KSR1: variants seen among roughly 807,000 people sequenced by gnomAD.
KSR1 encodes kinase suppressor of ras 1, also known as kinase suppressor of ras.
Under a neutral mutation model 92.9 loss-of-function variants are expected in KSR1, and 35 were observed. The ratio of observed to expected loss-of-function variants is 0.38; its 90% CI spans 0.29 to 0.50. The LOEUF (loss-of-function observed/expected upper bound fraction) is 0.50, where lower values mean the gene tolerates loss of function less well. Among genes scored for constraint, KSR1 ranks in the 20% least tolerant of loss-of-function variants. The pLI is 0.94. For missense variants in KSR1, 972 were observed against 1,158.5 expected (o/e 0.84, Z 2.34); for synonymous variants, 467 against 472.6 (o/e 0.99, Z 0.15).
chr17:27,570,189 T>A (rs2072251373), intron 2 of KSR1, among the ~76,000 whole-genome samples: 1 of 152,214 alleles, frequency 6.6e-6, no homozygotes, highest in African/African-American at 2.4e-5. Flanking sequence ...GAAAGTCATA[T>A]GTGACCTGTG....
At chr17:27,519,004 G>C (rs2069913188) in intron 1 of KSR1, among the ~76,000 whole-genome samples, 1 of 152,202 alleles carries the variant, frequency 6.6e-6, no homozygotes, top group South Asian at 2.1e-4. Flanking sequence ...ACATTGCCTA[G>C]AAGAGTGGCA....
chr17:27,477,275 G>A (rs1740064998), intron 1 of KSR1, among the ~76,000 whole-genome samples: 1 of 152,154 alleles, frequency 6.6e-6, no homozygotes, highest in Admixed American at 6.5e-5. Flanking sequence ...GACTTAAAGT[G>A]CCTAACCATC....
intron 1 of KSR1, among the ~76,000 whole-genome samples, chr17:27,498,976 C>T (rs1231590164): frequency 1.3e-5 from 2 of 152,008 alleles, no homozygotes; most frequent in Non-Finnish European, 2.9e-5. Flanking sequence ...TTGAGGACTT[C>T]TATGAAAAAA....
chr17:27,506,067 C>G (rs2069368591), intron 1 of KSR1, among the ~76,000 whole-genome samples: 1 of 152,198 alleles, frequency 6.6e-6, no homozygotes, highest in African/African-American at 2.4e-5. Flanking sequence ...TGGTTCAGGG[C>G]CCCCACCTAA....
intron 1 of KSR1, among the ~76,000 whole-genome samples, chr17:27,537,274 G>C (rs944886455): frequency 1.3e-5 from 2 of 152,148 alleles, no homozygotes; most frequent in African/African-American, 4.8e-5. Flanking sequence ...CTGTATTCCA[G>C]GTCTTATATA....
At chr17:27,481,989 T>G (rs1304281085) in intron 1 of KSR1, among the ~76,000 whole-genome samples, 2 of 152,220 alleles carry the variant, frequency 1.3e-5, no homozygotes, top group African/African-American at 4.8e-5. Context: ...CCTTAATTTC[T>G]GTCATCCATC....
At chr17:27,562,749 A>T (rs2071884422) in intron 2 of KSR1, among the ~76,000 whole-genome samples, 1 of 152,280 alleles carries the variant, frequency 6.6e-6, no homozygotes, top group Non-Finnish European at 1.5e-5. Flanking sequence ...TTTTAAAAAA[A>T]TAGCACATAA....
intron 1 of KSR1, among the ~76,000 whole-genome samples, chr17:27,546,086 G>A (rs1406946098): frequency 2.0e-5 from 3 of 152,200 alleles, no homozygotes; most frequent in African/African-American, 4.8e-5. Context: ...TTATAGTCCT[G>A]TCTCTGGTCA....
At chr17:27,534,845 T>C (rs1455183368) in intron 1 of KSR1, among the ~76,000 whole-genome samples, 4 of 152,256 alleles carry the variant, frequency 2.6e-5, no homozygotes, top group Admixed American at 6.5e-5. Flanking sequence ...TGCTGCAATA[T>C]TATTCCTGGG....
intron 2 of KSR1, among the ~76,000 whole-genome samples, chr17:27,567,596 A>G (rs1218912242): frequency 2.0e-5 from 3 of 152,220 alleles, no homozygotes; most frequent in Non-Finnish European, 4.4e-5. Context: ...TGGGCCCACA[A>G]GGCACTCATG....
intron 1 of KSR1, among the ~76,000 whole-genome samples, chr17:27,528,632 C>G (rs113345492): frequency 9.0e-4 from 137 of 152,244 alleles, no homozygotes; most frequent in Non-Finnish European, 1.6e-3. Flanking sequence ...GGCATAGTGG[C>G]TCACGTCTGT....
At chr17:27,588,670 G>T in intron 6 of KSR1, 135 bp downstream of exon 6, 1 of 726,970 alleles carries the variant, frequency 1.4e-6, no homozygotes, top group Non-Finnish European at 2.1e-6. Context: ...GTGGGACATG[G>T]CCCTGCACTT....
At chr17:27,623,220 A>G (rs780467861) in intron 20 of KSR1, 94 bp from the exon 21 acceptor site, 116 of 706,034 alleles carry the variant, frequency 1.6e-4, no homozygotes, top group Admixed American at 2.2e-4. Context: ...GTTGGAGGCC[A>G]GGTCCTCTGC....
chr17:27,501,954 G>C (rs1445214574), intron 1 of KSR1, among the ~76,000 whole-genome samples: 3 of 152,250 alleles, frequency 2.0e-5, no homozygotes, highest in Non-Finnish European at 4.4e-5. Context: ...AGAGCATGCA[G>C]ACTTTGCACA....
chr17:27,502,258 G>A (rs1470025969), intron 1 of KSR1, among the ~76,000 whole-genome samples: 1 of 152,188 alleles, frequency 6.6e-6, no homozygotes, highest in Non-Finnish European at 1.5e-5. Context: ...GAAGCATCCG[G>A]TGTAGCCTCG....
chr17:27,562,552 C>A (rs1334622296), intron 2 of KSR1, among the ~76,000 whole-genome samples: 1 of 152,184 alleles, frequency 6.6e-6, no homozygotes, highest in African/African-American at 2.4e-5. Context: ...TGTGCCTGAG[C>A]CCCCTCTGGG....
Position 27,611,587 on chromosome 17 carries a change from G to C in KSR1, c.2451G>C (p.Met817Ile). The stretch of plus-strand genomic sequence containing the variant: ...GGCAGATTGGAAGCGGGGAAGGAAT[G>C]AAGCGTGTCCTGACTTCTGTCAGCT... The part of the protein sequence containing the change: ...SIWQIGSGEG[M>I]KRVLTSVSLG... Residue 817 changes from methionine to isoleucine, a missense_variant, in exon 18 of 21, where the codon ATG becomes ATC. This residue lies in a region of KSR1 where 260 missense variants were observed against 375.2 expected (regional missense o/e 0.69). Coordinates refer to ENST00000644974, the MANE Select transcript of KSR1 (RefSeq NM_001394583.1). 1 of 1,613,896 alleles carries C rather than the reference G, an allele frequency of 6.2e-7. No individual in the cohort carries two copies. The highest frequency in any genetic ancestry group is 8.5e-7 in the Non-Finnish European group (1 of 1,179,802).
In KSR1 at chr17:27,572,207, A is replaced by T. The variant is rs537946820; in HGVS notation, c.373-5285A>T. Among the ~76,000 whole-genome samples the T allele has an allele frequency of 9.2e-5, 14 of 152,328 alleles. No homozygotes were observed. The South Asian group carries it at 1.2e-3, about 14-fold the overall frequency. ...AACTTAATCCCACCTACTGGAGAAC[A>T]TATCTCCTGGTTTGAGAGAGACAGG... is the stretch of plus-strand genomic sequence containing the variant. On this transcript the variant is annotated intron_variant, in intron 2 of 20. Coordinates refer to ENST00000644974, the MANE Select transcript of KSR1 (RefSeq NM_001394583.1).
intron 19 of KSR1, among the ~76,000 whole-genome samples, chr17:27,620,762 C>T (rs951830275): frequency 2.6e-5 from 4 of 152,152 alleles, no homozygotes; most frequent in African/African-American, 4.8e-5. Flanking sequence ...TGGTTTTCTC[C>T]GTGACGAAAG....
Sources: allele counts gnomAD v4.1 joint callset (sites outside exome capture counted in the v4.1 genomes callset), GRCh38; gene constraint gnomAD v4.1.1; regional missense constraint gnomAD v4.1.1; transcripts MANE v1.5; gene names NCBI Gene and HGNC (gene_info 2026-07-23, HGNC 2026-07-21).